SGCZ: variants seen among roughly 807,000 people sequenced by gnomAD.
SGCZ encodes the protein sarcoglycan zeta.
In SGCZ, 40 loss-of-function variants were observed where a neutral mutation model predicts 41.3. The ratio of observed to expected loss-of-function variants is 0.97; its 90% CI spans 0.75 to 1.26. The LOEUF is 1.26. Among genes scored for constraint, SGCZ ranks in the 50% most tolerant of loss-of-function variants. The probability of loss-of-function intolerance (pLI) is 0.00; values close to 1 mark genes in which losing one functional copy is unlikely to be tolerated. For missense variants in SGCZ, 552 were observed against 369.8 expected, an observed-to-expected ratio of 1.49 and a Z score of -4.04; for synonymous variants, 206 against 137.5, an observed-to-expected ratio of 1.50 and a Z score of -3.49.
intron 1 of SGCZ, among the ~76,000 whole-genome samples, chr8:14,806,650 G>T (rs890282459): frequency 6.6e-6 from 1 of 151,926 alleles, no homozygotes; most frequent in Non-Finnish European, 1.5e-5. Context: ...TCTACCAGAG[G>T]TACAAGGAGG....
Position 14,268,827 on chromosome 8 carries a change from G to A in SGCZ, c.337-31148C>T, listed in dbSNP as rs939219597. Among the ~76,000 whole-genome samples the A allele has an allele frequency of 4.6e-5, 7 of 151,872 alleles. No homozygotes were observed. The East Asian group carries it at 9.7e-4, about 21-fold the overall frequency. On this transcript the variant is annotated intron_variant, in intron 3 of 7. Coordinates refer to ENST00000382080, the MANE Select transcript of SGCZ (RefSeq NM_139167.4). ...TCTGGAATATAAAACATCCTCATCT[G>A]AATTCTTGAAGTATGTTAAAAACGT...
chr8:14,593,245 G>A (rs923864282), intron 1 of SGCZ, among the ~76,000 whole-genome samples: 10 of 152,296 alleles, frequency 6.6e-5, no homozygotes, highest in African/African-American at 2.4e-4. Flanking sequence ...AAGAGAATCC[G>A]TTGGTAGCAG....
At chr8:14,862,192 G>A (rs12678561) in intron 1 of SGCZ, among the ~76,000 whole-genome samples, 45,787 of 151,722 alleles carry the variant, frequency 0.3, 9,525 homozygotes, top group African/African-American at 0.59. Context: ...CCAGAAGACC[G>A]TAGAAGGGCT....
intron 1 of SGCZ, among the ~76,000 whole-genome samples, chr8:14,573,058 G>T (rs923950008): frequency 5.1e-4 from 77 of 152,210 alleles, no homozygotes; most frequent in Admixed American, 1.6e-3. Flanking sequence ...TTCTCCATAT[G>T]TGAGATTTGT....
At chr8:14,803,745 C>T (rs1801423401) in intron 1 of SGCZ, among the ~76,000 whole-genome samples, 1 of 151,292 alleles carries the variant, frequency 6.6e-6, no homozygotes, top group Admixed American at 6.6e-5. Context: ...AGGAGGCCTG[C>T]CTGCCTCTGT....
At chr8:14,598,082 C>G (rs1805470044) in intron 1 of SGCZ, among the ~76,000 whole-genome samples, 1 of 152,052 alleles carries the variant, frequency 6.6e-6, no homozygotes. Flanking sequence ...CTATATATGA[C>G]TACATTGGTT....
intron 1 of SGCZ, among the ~76,000 whole-genome samples, chr8:14,809,929 T>C (rs554383680): frequency 4.6e-5 from 7 of 152,268 alleles, no homozygotes; most frequent in East Asian, 1.9e-4. Context: ...GATGGATATT[T>C]AGATACTTAG....
At chr8:14,108,343 A>G (rs2117001312) in intron 5 of SGCZ, 108 bp from the exon 6 acceptor site, 1 of 928,686 alleles carries the variant, frequency 1.1e-6, no homozygotes, top group East Asian at 2.5e-5. Context: ...AACTTAAAAC[A>G]GGTACATATG....
intron 3 of SGCZ, among the ~76,000 whole-genome samples, chr8:14,294,452 C>T (rs1800946116): frequency 6.6e-6 from 1 of 151,840 alleles, no homozygotes; most frequent in African/African-American, 2.4e-5. Context: ...CAACTAGAAA[C>T]ATTCTAGAAG....
At chr8:14,190,014 C>CTTTT (rs71304966) in intron 4 of SGCZ, among the ~76,000 whole-genome samples, 4,889 of 100,088 alleles carry the variant, frequency 0.049, 438 homozygotes, top group African/African-American at 0.11. Flanking sequence ...TTCTTTCTTT[C>CTTTT]TTTTTTTTTT....
intron 1 of SGCZ, among the ~76,000 whole-genome samples, chr8:15,202,035 A>T (rs77738956): frequency 2.0e-5 from 3 of 152,164 alleles, no homozygotes; most frequent in Admixed American, 2.0e-4. Flanking sequence ...TAGAAACTCA[A>T]CCACTCCTGA....
chr8:14,381,595 T>G (rs558511253), intron 2 of SGCZ, among the ~76,000 whole-genome samples: 1 of 151,202 alleles, frequency 6.6e-6, no homozygotes, highest in Non-Finnish European at 1.5e-5. Flanking sequence ...GGCAACATGA[T>G]GAAACCCCGG....
At chr8:15,207,608 C>A (rs1373765276) in intron 1 of SGCZ, among the ~76,000 whole-genome samples, 1 of 151,886 alleles carries the variant, frequency 6.6e-6, no homozygotes, top group Admixed American at 6.6e-5. Context: ...GTCAGGAATC[C>A]TAGAGAAGGC....
intron 1 of SGCZ, among the ~76,000 whole-genome samples, chr8:14,710,751 T>C (rs1408863330): frequency 6.6e-6 from 1 of 152,182 alleles, no homozygotes; most frequent in Non-Finnish European, 1.5e-5. Flanking sequence ...AAAATACTAA[T>C]TGTAACTAAT....
At chr8:14,489,630 T>A (rs1047221414) in intron 2 of SGCZ, among the ~76,000 whole-genome samples, 1 of 152,110 alleles carries the variant, frequency 6.6e-6, no homozygotes, top group Non-Finnish European at 1.5e-5. Context: ...AAATAAAGTA[T>A]TGCCAACTAG....
At chr8:14,659,034 G>C (rs999582638) in intron 1 of SGCZ, among the ~76,000 whole-genome samples, 1 of 151,980 alleles carries the variant, frequency 6.6e-6, no homozygotes. Context: ...AAAACTATGA[G>C]CTCAATCTTT....
chr8:14,267,555 A>T (rs1283306309), intron 3 of SGCZ, among the ~76,000 whole-genome samples: 2 of 152,074 alleles, frequency 1.3e-5, no homozygotes, highest in African/African-American at 4.8e-5. Context: ...GCCTAGTCTC[A>T]TGATGCTATT....
chr8:14,122,439 C>T (rs904463015), intron 5 of SGCZ, among the ~76,000 whole-genome samples: 3 of 152,122 alleles, frequency 2.0e-5, no homozygotes, highest in East Asian at 1.9e-4. Flanking sequence ...CCAAAGAGTT[C>T]TTTATGTGCA....
intron 1 of SGCZ, among the ~76,000 whole-genome samples, chr8:14,747,165 C>T (rs184650112): frequency 1.7e-3 from 257 of 152,290 alleles, no homozygotes; most frequent in African/African-American, 6.0e-3. Flanking sequence ...ACTTGGGAGC[C>T]ACTCATTCCA....
Sources: allele counts gnomAD v4.1 joint callset (sites outside exome capture counted in the v4.1 genomes callset), GRCh38; gene constraint gnomAD v4.1.1; transcripts MANE v1.5; gene names NCBI Gene and HGNC (gene_info 2026-07-23, HGNC 2026-07-21).